Variants in ATP6V1E1 observed in about 807,000 individuals in gnomAD.
The protein encoded by ATP6V1E1 is V-type proton ATPase subunit E 1.
Under a neutral mutation model 35.2 loss-of-function variants are expected in ATP6V1E1, and 21 were observed. The observed-to-expected ratio is 0.60, with a 90% CI of 0.42 to 0.86. The LOEUF (loss-of-function observed/expected upper bound fraction) is 0.86. ATP6V1E1 is among the 40% of genes least tolerant of loss of function. The pLI is 0.00. For synonymous variants in ATP6V1E1, 83 were observed against 87.8 expected (o/e 0.95, Z 0.30); for missense variants, 183 against 272.6 (o/e 0.67, Z 2.32).
At chr22:17,610,655 A>G (rs182971359) in intron 4 of ATP6V1E1, among the ~76,000 whole-genome samples, 6 of 152,342 alleles carry the variant, frequency 3.9e-5, no homozygotes, top group African/African-American at 1.4e-4. Flanking sequence ...ACATGCCTCT[A>G]AACTTTTTTG....
intron 1 of ATP6V1E1, among the ~76,000 whole-genome samples, chr22:17,625,030 A>C (rs2146319581): frequency 6.6e-6 from 1 of 152,286 alleles, no homozygotes; most frequent in Non-Finnish European, 1.5e-5. Context: ...TATTGAAAGA[A>C]GCAGAAGAAG....
intron 2 of ATP6V1E1, among the ~76,000 whole-genome samples, chr22:17,614,351 A>AAAAAATAAAAATAAAAAAT (rs59088961): frequency 0.34 from 50,039 of 148,504 alleles, 8,805 homozygotes; most frequent in Middle Eastern, 0.38. Flanking sequence ...ACTCCATCTA[A>AAAAAATAAAAATAAAAAAT]AAAAATAAAA....
chr22:17,592,647 T>C lies in ATP6V1E1; in HGVS notation c.*27A>G. Reference sequence around the variant, plus strand: ...AGCTTCCACATCACAGCAGGAGAGCTGACGACGAGCTCCACCTCCTGAAGG... The same window carrying C: ...AGCTTCCACATCACAGCAGGAGAGCCGACGACGAGCTCCACCTCCTGAAGG... On this transcript the variant is annotated 3_prime_UTR_variant, in exon 9 of 9. Transcript: ENST00000253413. 6.2e-7 allele frequency: 1 copy of C among 1,609,942 alleles called. No individual in the cohort carries two copies. The highest frequency in any genetic ancestry group is 8.5e-7 in the Non-Finnish European group (1 of 1,176,208).
intron 7 of ATP6V1E1, among the ~76,000 whole-genome samples, chr22:17,597,553 A>G (rs1170719486): frequency 2.6e-5 from 4 of 152,046 alleles, no homozygotes; most frequent in Non-Finnish European, 5.9e-5. Context: ...CTACCTCAGC[A>G]TCCAATACAG....
chr22:17,605,693 CTTTTTTTTTTTTT>C (rs3044548), intron 4 of ATP6V1E1, among the ~76,000 whole-genome samples: 7 of 103,968 alleles, frequency 6.7e-5, no homozygotes, highest in Non-Finnish European at 9.2e-5. Flanking sequence ...AGATGTTTCT[CTTTTTTTTTTTTT>C]TTTTTTTTTG....
At chr22:17,607,916 C>T (rs1228981106) in intron 4 of ATP6V1E1, among the ~76,000 whole-genome samples, 1 of 152,110 alleles carries the variant, frequency 6.6e-6, no homozygotes, top group Non-Finnish European at 1.5e-5. Context: ...ACACTCAAGG[C>T]CCTTCTAATT....
chr22:17,628,579 G>T lies in ATP6V1E1; in HGVS notation c.33+24C>A, dbSNP rs528402479. On this transcript the variant is annotated intron_variant, in intron 1 of 8. Transcript: ENST00000253413. ...TCCCCGGGACTGCCGCCGCGGCTTC[G>T]TAAGACCCAACCAAGCCCCTCACCT... 427 of 1,614,008 alleles carry T rather than the reference G, an allele frequency of 2.6e-4. 1 individual carries two copies. The South Asian group carries it at 4.4e-3, about 17-fold the overall frequency.
intron 2 of ATP6V1E1, 36 bp from the exon 3 acceptor site, chr22:17,613,356 CAA>C (rs772664694): frequency 9.5e-6 from 15 of 1,572,540 alleles, no homozygotes; most frequent in Non-Finnish European, 1.3e-5. Flanking sequence ...TTCATTACAT[CAA>C]GTTTTGATTA....
chr22:17,599,655 C>T (rs1437249874), intron 6 of ATP6V1E1, among the ~76,000 whole-genome samples: 1 of 150,014 alleles, frequency 6.7e-6, no homozygotes, highest in Non-Finnish European at 1.5e-5. Flanking sequence ...CGCGGTGGCT[C>T]ATGCCTGTAA....
chr22:17,592,585 A>C lies in ATP6V1E1; in HGVS notation c.*89T>G. On this transcript the variant is annotated 3_prime_UTR_variant, in exon 9 of 9. Transcript: ENST00000253413. ...GAGCAATACTGGGGCAGTGAAGAGG[A>C]AGCTACAGAGACATTCGTGTTTCTT... 1 of 1,341,000 alleles carries C rather than the reference A, an allele frequency of 7.5e-7. No individual in the cohort carries two copies. Among genetic ancestry groups the C allele is most frequent in the Non-Finnish European group, 1.1e-6 (1 of 934,274 alleles). 83.1% of individuals were successfully genotyped at this position (1,341,000 alleles called of 1,614,324 possible).
At chr22:17,601,473 A>C (rs1313396759) in intron 4 of ATP6V1E1, among the ~76,000 whole-genome samples, 1 of 152,196 alleles carries the variant, frequency 6.6e-6, no homozygotes, top group Non-Finnish European at 1.5e-5. Context: ...CGCGCGATGT[A>C]ACTTTGAAAA....
At chr22:17,602,986 T>C (rs2057769061) in intron 4 of ATP6V1E1, among the ~76,000 whole-genome samples, 1 of 152,162 alleles carries the variant, frequency 6.6e-6, no homozygotes, top group Admixed American at 6.5e-5. Flanking sequence ...AGACGGAGTC[T>C]CGCTCTGTTG....
chr22:17,599,898 C>T (rs2057753488), intron 6 of ATP6V1E1, 129 bp downstream of exon 6: 8 of 747,938 alleles, frequency 1.1e-5, no homozygotes, highest in African/African-American at 1.9e-5. Context: ...TGCACTCCAT[C>T]CTGGACAACA....
intron 1 of ATP6V1E1, among the ~76,000 whole-genome samples, chr22:17,623,304 T>C (rs923033198): frequency 2.0e-5 from 3 of 152,164 alleles, no homozygotes; most frequent in African/African-American, 7.2e-5. Flanking sequence ...TCCACAAATT[T>C]GGGAGTATGG....
intron 2 of ATP6V1E1, among the ~76,000 whole-genome samples, chr22:17,614,275 G>C (rs1282841284): frequency 6.6e-6 from 1 of 151,718 alleles, no homozygotes; most frequent in African/African-American, 2.4e-5. Flanking sequence ...GCTTGAACCT[G>C]GGAGGCGGAG....
intron 1 of ATP6V1E1, among the ~76,000 whole-genome samples, chr22:17,620,815 G>T (rs1046385824): frequency 6.6e-6 from 1 of 152,098 alleles, no homozygotes; most frequent in Non-Finnish European, 1.5e-5. Flanking sequence ...TGTAATCCCA[G>T]AACTTTGGGA....
chr22:17,600,341 G>A, intron 5 of ATP6V1E1, among the ~76,000 whole-genome samples: 1 of 152,092 alleles, frequency 6.6e-6, no homozygotes, highest in East Asian at 1.9e-4. Flanking sequence ...GGAGGCTGAG[G>A]CAAGAGAATG....
intron 4 of ATP6V1E1, among the ~76,000 whole-genome samples, chr22:17,611,236 G>A (rs965742772): frequency 2.0e-5 from 3 of 152,198 alleles, no homozygotes; most frequent in African/African-American, 7.2e-5. Flanking sequence ...TAGTGAAGAC[G>A]CAAAATAACA....
In ATP6V1E1 at chr22:17,628,714, G is replaced by A. The variant is rs7511083; in HGVS notation, c.-79C>T. ...GTGAGGTGAGAGAAATCGGCAAAGG[G>A]AACCCCTGCGCAGATCTCGGGTTCC... On this transcript the variant is annotated 5_prime_UTR_variant, in exon 1 of 9. Transcript: ENST00000253413. 9.4e-4 allele frequency: 1,493 copies of A among 1,585,782 alleles called. 9 individuals carry two copies. The African/African-American group carries it at 0.016, about 17-fold the overall frequency.
Sources: allele counts gnomAD v4.1 joint callset (sites outside exome capture counted in the v4.1 genomes callset), GRCh38; gene constraint gnomAD v4.1.1; transcripts MANE v1.5; gene names NCBI Gene and HGNC (gene_info 2026-07-23, HGNC 2026-07-21).